SPEF2: variants seen among roughly 807,000 people sequenced by gnomAD.
SPEF2 encodes sperm flagellar and cilia associated 2.
In SPEF2, 187 loss-of-function variants were observed where a neutral mutation model predicts 224.6. That is an observed-to-expected ratio of 0.83 (90% CI 0.74 to 0.94). SPEF2 has a LOEUF of 0.94. Among genes scored for constraint, SPEF2 ranks in the 40% least tolerant of loss-of-function variants. SPEF2 has a pLI of 0.00. For missense variants in SPEF2, 2,170 were observed against 2,135.6 expected, an observed-to-expected ratio of 1.02 and a Z score of -0.32; for synonymous variants, 715 against 707.3, an observed-to-expected ratio of 1.01 and a Z score of -0.17.
intron 20 of SPEF2, among the ~76,000 whole-genome samples, chr5:35,713,221 G>C (rs571251008): frequency 6.6e-6 from 1 of 151,974 alleles, no homozygotes; most frequent in Non-Finnish European, 1.5e-5. Context: ...ACCCCTTATT[G>C]GATTTCCTTC....
At chr5:35,706,808 AC>A (rs1407142317) in intron 18 of SPEF2, among the ~76,000 whole-genome samples, 1 of 152,154 alleles carries the variant, frequency 6.6e-6, no homozygotes, top group East Asian at 1.9e-4. Context: ...TCCAAAAACT[AC>A]CAGCATGAAC....
chr5:35,738,485 G>T (rs1468413274), intron 21 of SPEF2, among the ~76,000 whole-genome samples: 1 of 150,892 alleles, frequency 6.6e-6, no homozygotes, highest in African/African-American at 2.4e-5. Context: ...TTTCCCCATT[G>T]CTTGTTTTTG....
chr5:35,757,840 T>A (rs1160979714), intron 24 of SPEF2, among the ~76,000 whole-genome samples: 1 of 152,220 alleles, frequency 6.6e-6, no homozygotes, highest in Admixed American at 6.5e-5. Flanking sequence ...AAAAATGTTC[T>A]ATAATGTGAG....
chr5:35,649,273 G>T (rs1030376966), intron 5 of SPEF2, 88 bp from the exon 6 acceptor site: 8 of 1,122,742 alleles, frequency 7.1e-6, no homozygotes, highest in Non-Finnish European at 1.0e-5. Context: ...AGTAGTACTT[G>T]TCACTTTATA....
At chr5:35,745,094 C>T (rs1368327310) in intron 23 of SPEF2, among the ~76,000 whole-genome samples, 1 of 152,210 alleles carries the variant, frequency 6.6e-6, no homozygotes, top group African/African-American at 2.4e-5. Context: ...AAGTTTCTAA[C>T]CTTACCTGGA....
chr5:35,722,463 TTG>T (rs1463790489), intron 20 of SPEF2, among the ~76,000 whole-genome samples: 3 of 140,250 alleles, frequency 2.1e-5, no homozygotes, highest in Admixed American at 2.1e-4. Context: ...AGGTTTTTTT[TTG>T]TTTTTTTTTT....
intron 6 of SPEF2, among the ~76,000 whole-genome samples, chr5:35,653,707 G>A (rs1748520840): frequency 6.6e-6 from 1 of 152,048 alleles, no homozygotes; most frequent in African/African-American, 2.4e-5. Flanking sequence ...AGCACTTTGG[G>A]AGGCCGAGGC....
chr5:35,709,609 T>G, intron 19 of SPEF2: 1 of 985,318 alleles, frequency 1.0e-6, no homozygotes, highest in Non-Finnish European at 1.2e-6. Context: ...ATTATAAAAG[T>G]ATAGAAACAA....
intron 30 of SPEF2, among the ~76,000 whole-genome samples, chr5:35,787,331 G>C (rs958667480): frequency 6.6e-6 from 1 of 151,802 alleles, no homozygotes; most frequent in Admixed American, 6.6e-5. Context: ...TTAGGCAGGA[G>C]GGAAGGGATG....
At chr5:35,751,851 C>A (rs914833367) in intron 23 of SPEF2, among the ~76,000 whole-genome samples, 3 of 152,054 alleles carry the variant, frequency 2.0e-5, no homozygotes, top group Non-Finnish European at 4.4e-5. Context: ...ATGGTCTTGT[C>A]GGAAGCCTAC....
intron 20 of SPEF2, among the ~76,000 whole-genome samples, chr5:35,727,100 T>C (rs1744795494): frequency 6.6e-6 from 1 of 151,952 alleles, no homozygotes; most frequent in Non-Finnish European, 1.5e-5. Flanking sequence ...TCATCTTTAT[T>C]CCCTAACTGT....
intron 7 of SPEF2, among the ~76,000 whole-genome samples, chr5:35,655,066 T>A (rs1162503015): frequency 6.6e-6 from 1 of 152,186 alleles, no homozygotes; most frequent in Admixed American, 6.5e-5. Flanking sequence ...ATTGTTACTT[T>A]TAGAGGAAAA....
intron 20 of SPEF2, 85 bp downstream of exon 20, chr5:35,712,971 G>A (rs1017271012): frequency 1.7e-6 from 2 of 1,196,722 alleles, no homozygotes; most frequent in African/African-American, 3.0e-5. Context: ...TTGTATAGTA[G>A]TATACATTGA....
Position 35,767,587 on chromosome 5 carries a change from A to C in SPEF2, c.3801+3885A>C, listed in dbSNP as rs550053072. Among the ~76,000 whole-genome samples the C allele has an allele frequency of 4.6e-5, 7 of 152,156 alleles. No individual in the cohort carries two copies. In the East Asian group the frequency reaches 1.4e-3, roughly 29 times the overall value. On this transcript the variant is annotated intron_variant, in intron 26 of 36. Coordinates refer to ENST00000356031, the MANE Select transcript of SPEF2 (RefSeq NM_024867.4). ...TAACATGGGGGGAAGATGAAATTTA[A>C]AATATCCAATCCAAAAGAAGCAAAG...
intron 18 of SPEF2, among the ~76,000 whole-genome samples, chr5:35,707,646 T>A (rs1740064310): frequency 6.6e-6 from 1 of 151,826 alleles, no homozygotes; most frequent in African/African-American, 2.4e-5. Flanking sequence ...TCAGGGAGGG[T>A]GTGCCAGGAA....
intron 24 of SPEF2, among the ~76,000 whole-genome samples, chr5:35,758,886 A>T (rs1223758793): frequency 6.6e-6 from 1 of 151,170 alleles, no homozygotes; most frequent in Non-Finnish European, 1.5e-5. Context: ...GGGCCCTGTA[A>T]ACCCGGCTAC....
intron 33 of SPEF2, among the ~76,000 whole-genome samples, chr5:35,798,508 G>A (rs1756991321): frequency 6.6e-6 from 1 of 152,098 alleles, no homozygotes; most frequent in African/African-American, 2.4e-5. Context: ...TCTCAATCTT[G>A]CTGTCTAGCC....
In SPEF2 at chr5:35,674,072, C is replaced by T. The variant is rs147648400; in HGVS notation, c.1524+3845C>T. The stretch of plus-strand genomic sequence containing the variant: ...GATTTTAGTAGATGAATGTTAAGGG[C>T]ATGTGAATCGATCACTTTTTTACAT... On this transcript the variant is annotated intron_variant, in intron 10 of 36. Coordinates refer to ENST00000356031, the MANE Select transcript of SPEF2 (RefSeq NM_024867.4). 1.9e-3 allele frequency among the ~76,000 whole-genome samples: 295 copies of T among 152,302 alleles called. 2 individuals are homozygous for T. Among genetic ancestry groups the T allele is most frequent in the African/African-American group, 6.7e-3 (278 of 41,558 alleles).
chr5:35,648,456 A>C (rs1434627546), intron 5 of SPEF2, among the ~76,000 whole-genome samples: 1 of 150,256 alleles, frequency 6.7e-6, no homozygotes, highest in African/African-American at 2.5e-5. Context: ...AAAATCATGG[A>C]TCATTGCAGC....
Sources: gnomAD v4.1 joint callset for allele counts (sites outside exome capture counted in the v4.1 genomes callset) on GRCh38, gnomAD v4.1.1 for gene constraint, MANE v1.5 for transcripts, NCBI Gene and HGNC (gene_info 2026-07-23, HGNC 2026-07-21) for gene names.